Variants in MTMR14 observed in about 807,000 individuals in gnomAD.
The protein encoded by MTMR14 is phosphatidylinositol-3,5-bisphosphate 3-phosphatase MTMR14.
Under a neutral mutation model 86.3 loss-of-function variants are expected in MTMR14, and 48 were observed. The observed-to-expected ratio is 0.56, with a 90% confidence interval of 0.44 to 0.71. The LOEUF is 0.71. Among genes scored for constraint, MTMR14 ranks in the 30% least tolerant of loss-of-function variants. The pLI, the probability that MTMR14 is intolerant of heterozygous loss-of-function variation, is 0.00. For synonymous variants in MTMR14, 366 were observed against 326.1 expected (o/e 1.12, Z -1.32); for missense variants, 780 against 834.6 (o/e 0.93, Z 0.81).
chr3:9,662,290 G>T lies in MTMR14; in HGVS notation c.332G>T (p.Ser111Ile), dbSNP rs2047986383. 6.2e-7 allele frequency: 1 copy of T among 1,613,184 alleles called. No homozygotes were observed. Among genetic ancestry groups the T allele is most frequent in the African/African-American group, 1.3e-5 (1 of 74,566 alleles). Reference protein sequence around the residue: ...KDTFESTVQVSKLQDLIHRSK... With the variant: ...KDTFESTVQVIKLQDLIHRSK... ...AGGTTTGAGAGTACCGTACAGGTGA[G>T]CAAGTTGCAAGACCTCATCCACCGC... Residue 111 changes from serine (S) to isoleucine (I), a missense_variant, in exon 3 of 19, where the codon AGC (serine) becomes ATC (isoleucine). Coordinates refer to ENST00000296003, the MANE Select transcript of MTMR14 (RefSeq NM_001077525.3).
chr3:9,672,567 A>G (rs2048626814), intron 6 of MTMR14, 118 bp from the exon 7 acceptor site: 6 of 902,084 alleles, frequency 6.7e-6, no homozygotes, highest in Non-Finnish European at 1.1e-5. Context: ...ATTATTAACA[A>G]TGAAGAATAG....
chr3:9,688,767 C>A lies in MTMR14; in HGVS notation c.1294+13C>A, dbSNP rs1171829959. On this transcript the variant is annotated intron_variant, in intron 15 of 18. Coordinates refer to ENST00000296003, the MANE Select transcript of MTMR14 (RefSeq NM_001077525.3). ...ATCTGCATGCTGAGTGAGTCCTGGG[C>A]CCCAACAGACTTCCCTTCCTCCATA... is the stretch of plus-strand genomic sequence containing the variant. 6.2e-7 allele frequency: 1 copy of A among 1,613,922 alleles called. No individual in the cohort carries two copies. The highest frequency in any genetic ancestry group is 1.3e-5 in the African/African-American group (1 of 74,886).
At chr3:9,652,128 C>A (rs940361536) in intron 1 of MTMR14, among the ~76,000 whole-genome samples, 1 of 152,120 alleles carries the variant, frequency 6.6e-6, no homozygotes, top group Middle Eastern at 3.2e-3. Context: ...CTGCACCCAG[C>A]CTAATTTTTG....
At chr3:9,700,475 G>A (rs911188872) in intron 18 of MTMR14, 4 of 152,188 alleles carry the variant, frequency 2.6e-5, no homozygotes, top group African/African-American at 7.2e-5. Flanking sequence ...ACAGCCTCAT[G>A]TGGAGTCATG....
chr3:9,666,963 T>G (rs988289288), intron 3 of MTMR14, among the ~76,000 whole-genome samples: 3 of 152,216 alleles, frequency 2.0e-5, no homozygotes, highest in African/African-American at 4.8e-5. Flanking sequence ...AGAGGCTGGT[T>G]CCCCACTTGG....
At chr3:9,653,804 G>A in intron 2 of MTMR14, 35 bp downstream of exon 2, 1 of 1,613,834 alleles carries the variant, frequency 6.2e-7, no homozygotes, top group Non-Finnish European at 8.5e-7. Flanking sequence ...ACATGTCTGG[G>A]GAGTCCGTGG....
intron 14 of MTMR14, 95 bp from the exon 15 acceptor site, chr3:9,688,601 T>TTGAGCTGCTTTCCAGGACA (rs2076038008): frequency 2.1e-6 from 3 of 1,456,142 alleles, no homozygotes; most frequent in Non-Finnish European, 2.9e-6. Flanking sequence ...TGCCAGTGAA[T>TTGAGCTGCTTTCCAGGACA]TGAGCTGCTT....
chr3:9,662,486 G>A, intron 3 of MTMR14, 111 bp downstream of exon 3: 1 of 859,786 alleles, frequency 1.2e-6, no homozygotes, highest in South Asian at 1.4e-5. Context: ...AGCATTGGGT[G>A]GTTACTGGGT....
rs182891680 is a variant in MTMR14 at position 9,655,260 on chromosome 3, G to T, written c.308+1491G>T. Among the ~76,000 whole-genome samples the T allele has an allele frequency of 2.0e-4, 30 of 151,494 alleles. 2 individuals are homozygous for T. The East Asian group carries it at 5.8e-3, about 29-fold the overall frequency. ...TGGGCTCCTGTAATCCCAGCTACTC[G>T]GGTGGCTGAGGCAGGAGAATCGCTT... On this transcript the variant is annotated intron_variant, in intron 2 of 18. Coordinates refer to ENST00000296003, the MANE Select transcript of MTMR14 (RefSeq NM_001077525.3).
intron 4 of MTMR14, 88 bp from the exon 5 acceptor site, chr3:9,669,344 C>A: frequency 1.5e-6 from 2 of 1,350,582 alleles, no homozygotes; most frequent in Non-Finnish European, 2.1e-6. Context: ...CCACCCTTGG[C>A]ACTATGGGGA....
At chr3:9,675,298 G>T (rs2048797013) in intron 7 of MTMR14, among the ~76,000 whole-genome samples, 1 of 152,162 alleles carries the variant, frequency 6.6e-6, no homozygotes, top group Non-Finnish European at 1.5e-5. Context: ...CTTTTTATTT[G>T]ATAGACTTGT....
intron 17 of MTMR14, among the ~76,000 whole-genome samples, chr3:9,692,102 T>G (rs1181774216): frequency 6.6e-6 from 1 of 152,244 alleles, no homozygotes; most frequent in Non-Finnish European, 1.5e-5. Context: ...TTACCCTCCC[T>G]GCTTCTTAGG....
rs1252736024 is a variant in MTMR14, at chr3:9,701,814, G to A, written c.1794G>A (p.Glu598=). 6.2e-7 allele frequency: 1 copy of A among 1,613,808 alleles called. No individual in the cohort carries two copies. Among genetic ancestry groups the A allele is most frequent in the Non-Finnish European group, 8.5e-7 (1 of 1,180,036 alleles). Residue 598 remains glutamate (E), a synonymous_variant, in exon 19 of 19, where the codon GAG becomes GAA. Coordinates refer to ENST00000296003, the MANE Select transcript of MTMR14 (RefSeq NM_001077525.3). The surrounding 1 kb of genome is among the most constrained non-coding windows in gnomAD (Gnocchi z 4.2). ...GGCTTGCAGCCCTGAGTGATCGAGA[G>A]ACTCGGCTGCAGGAGGTGCGCTCAG... The part of the protein sequence containing the change: ...SCLLAALSDR[E]TRLQEVRSAF...
intron 13 of MTMR14, among the ~76,000 whole-genome samples, chr3:9,686,690 TG>T (rs1306912751): frequency 3.9e-5 from 6 of 152,240 alleles, no homozygotes; most frequent in Non-Finnish European, 5.9e-5. Context: ...TGACCCGACC[TG>T]GGCAGCCCTC....
chr3:9,658,407 T>C (rs2125006161), intron 2 of MTMR14, among the ~76,000 whole-genome samples: 1 of 152,304 alleles, frequency 6.6e-6, no homozygotes, highest in Admixed American at 6.5e-5. Flanking sequence ...GTCAACAGTG[T>C]TCGTTCAGCT....
intron 5 of MTMR14, among the ~76,000 whole-genome samples, chr3:9,670,352 T>C (rs2048500477): frequency 6.6e-6 from 1 of 152,214 alleles, no homozygotes; most frequent in African/African-American, 2.4e-5. Flanking sequence ...GTCACCATCT[T>C]CAGCATACAC....
intron 12 of MTMR14, 83 bp downstream of exon 12, chr3:9,685,047 C>G (rs937795029): frequency 1.3e-6 from 2 of 1,511,494 alleles, no homozygotes; most frequent in East Asian, 2.3e-5. Flanking sequence ...TTGACAGGGG[C>G]TGGAGGTAAG....
chr3:9,662,104 TAGAC>T (rs1325828143), intron 2 of MTMR14, among the ~76,000 whole-genome samples, 159 bp from the exon 3 acceptor site: 5 of 150,574 alleles, frequency 3.3e-5, no homozygotes, highest in African/African-American at 7.3e-5. Context: ...AATAGATAGA[TAGAC>T]AGACAGATGA....
rs1559591054 is a variant in MTMR14 at position 9,678,019 on chromosome 3, CCTGACT to C, written c.860_865del (p.Leu287_Thr288del). 1 of 1,614,090 alleles carries C rather than the reference CCTGACT, an allele frequency of 6.2e-7. No individual in the cohort carries two copies. The highest frequency in any genetic ancestry group is 1.1e-5 in the South Asian group (1 of 91,048). ...ATGCCCCATTGAGCATCCCCGACTT[CCTGACT>C]CACTCTCTGAACATTGACTGGAGCC... On this transcript the variant is annotated inframe_deletion, in exon 9 of 19. Transcript: ENST00000296003.
Sources: gnomAD v4.1 joint callset for allele counts (sites outside exome capture counted in the v4.1 genomes callset) on GRCh38, gnomAD v4.1.1 for gene constraint, Gnocchi (gnomAD v3.1) non-coding constraint, MANE v1.5 for transcripts, NCBI Gene and HGNC (gene_info 2026-07-23, HGNC 2026-07-21) for gene names.